Variants in EMCN observed in about 807,000 individuals in gnomAD.
EMCN encodes endomucin.
A neutral mutation model predicts 38.4 loss-of-function variants in EMCN; 37 were observed. That is an observed-to-expected ratio of 0.96 (90% confidence interval 0.74 to 1.27). The LOEUF (loss-of-function observed/expected upper bound fraction) is 1.27. EMCN is among the 50% of genes most tolerant of loss of function. The probability of loss-of-function intolerance (pLI) is 0.00; values close to 1 mark genes in which losing one functional copy is unlikely to be tolerated. For missense variants in EMCN, 318 were observed against 302.8 expected (o/e 1.05, Z -0.37); for synonymous variants, 95 against 100.8 (o/e 0.94, Z 0.35).
At chr4:100,440,535 C>T (rs1275976519) in intron 5 of EMCN, among the ~76,000 whole-genome samples, 1 of 151,966 alleles carries the variant, frequency 6.6e-6, no homozygotes, top group Non-Finnish European at 1.5e-5. Context: ...ATAATGGCCT[C>T]CAACTCCATC....
At chr4:100,467,999 T>G (rs925122921) in intron 3 of EMCN, among the ~76,000 whole-genome samples, 1 of 152,216 alleles carries the variant, frequency 6.6e-6, no homozygotes, top group Non-Finnish European at 1.5e-5. Flanking sequence ...ATAAGAGAAT[T>G]GCATCAAGAT....
chr4:100,402,223 C>T (rs188304776), intron 11 of EMCN, among the ~76,000 whole-genome samples: 4 of 151,910 alleles, frequency 2.6e-5, no homozygotes, highest in Non-Finnish European at 4.4e-5. Context: ...TCTGCCCTGC[C>T]GAATCACATT....
At position 100,490,729 on chromosome 4, in the gene EMCN, A is replaced by G. The variant is rs148751816; in HGVS notation, c.65-10690T>C. Among the ~76,000 whole-genome samples the G allele has an allele frequency of 4.6e-3, 707 of 152,324 alleles. 8 individuals are homozygous for G. Among genetic ancestry groups the G allele is most frequent in the South Asian group, 0.023 (113 of 4,834 alleles). Reference sequence around the variant, plus strand: ...TAAGTGCGCTTTATGATGTTCACACAATGACCTAACAAGACGTTTCGTAGA... The same window carrying G: ...TAAGTGCGCTTTATGATGTTCACACGATGACCTAACAAGACGTTTCGTAGA... On this transcript the variant is annotated intron_variant, in intron 1 of 11. Transcript: ENST00000296420.
At chr4:100,407,630 C>T (rs1463202464) in intron 11 of EMCN, among the ~76,000 whole-genome samples, 2 of 152,106 alleles carry the variant, frequency 1.3e-5, no homozygotes, top group Admixed American at 1.3e-4. Context: ...GGTTGACCTG[C>T]TCATTCTCCC....
At chr4:100,488,002 C>T (rs1165610737) in intron 1 of EMCN, among the ~76,000 whole-genome samples, 2 of 152,052 alleles carry the variant, frequency 1.3e-5, no homozygotes, top group African/African-American at 4.8e-5. Context: ...ACTAGCAGAT[C>T]ACATTAGTTT....
chr4:100,486,181 G>C (rs1728936078), intron 1 of EMCN, among the ~76,000 whole-genome samples: 1 of 152,154 alleles, frequency 6.6e-6, no homozygotes, highest in Non-Finnish European at 1.5e-5. Flanking sequence ...GTGAGGTCAT[G>C]TCTCTCTACG....
intron 10 of EMCN, among the ~76,000 whole-genome samples, chr4:100,412,180 G>A (rs1346493039): frequency 1.3e-5 from 2 of 152,154 alleles, no homozygotes; most frequent in Admixed American, 1.3e-4. Context: ...TCAGGGGACA[G>A]GGAAGGGAAT....
At chr4:100,402,690 T>A (rs370368018) in intron 11 of EMCN, among the ~76,000 whole-genome samples, 2 of 152,184 alleles carry the variant, frequency 1.3e-5, no homozygotes, top group South Asian at 2.1e-4. Flanking sequence ...AGGCTTGGAA[T>A]CTGAGGCTAG....
At chr4:100,497,457 A>C (rs1378311921) in intron 1 of EMCN, among the ~76,000 whole-genome samples, 1 of 152,082 alleles carries the variant, frequency 6.6e-6, no homozygotes, top group Non-Finnish European at 1.5e-5. Flanking sequence ...GCTCACTGCA[A>C]GCTCCGCCTC....
intron 3 of EMCN, among the ~76,000 whole-genome samples, chr4:100,466,496 A>G (rs1235232818): frequency 6.6e-6 from 1 of 152,252 alleles, no homozygotes; most frequent in African/African-American, 2.4e-5. Flanking sequence ...AGAAGACTTC[A>G]TAGACAGTAG....
chr4:100,424,244 CT>C (rs1181845064), intron 5 of EMCN, among the ~76,000 whole-genome samples: 1 of 151,932 alleles, frequency 6.6e-6, no homozygotes, highest in Non-Finnish European at 1.5e-5. Flanking sequence ...ACTTAGAAAA[CT>C]TTTTGAAAAT....
intron 3 of EMCN, among the ~76,000 whole-genome samples, chr4:100,466,078 C>G (rs960708473): frequency 7.0e-6 from 1 of 143,008 alleles, no homozygotes; most frequent in Non-Finnish European, 1.5e-5. Context: ...TTTAATTATA[C>G]TTAGTTCATT....
intron 5 of EMCN, among the ~76,000 whole-genome samples, chr4:100,438,739 A>G (rs902379759): frequency 4.6e-5 from 7 of 151,794 alleles, no homozygotes; most frequent in African/African-American, 1.7e-4. Context: ...GTTTTTTATT[A>G]TATTGAGAAA....
chr4:100,463,403 G>T (rs72923876), intron 4 of EMCN, among the ~76,000 whole-genome samples: 3,424 of 152,158 alleles, frequency 0.023, 126 homozygotes, highest in African/African-American at 0.078. Flanking sequence ...CTGTTTGTTT[G>T]TTGGGTTTTC....
intron 4 of EMCN, among the ~76,000 whole-genome samples, chr4:100,457,586 T>TGTG (rs1163350702): frequency 1.3e-5 from 2 of 152,220 alleles, no homozygotes; most frequent in Non-Finnish European, 2.9e-5. Context: ...ATTCTGTTAA[T>TGTG]GTGGTATATT....
chr4:100,460,939 T>C lies in EMCN; in HGVS notation c.376+4484A>G, dbSNP rs1022997897. ...GTTTACAATTTAGGTCTTTTGAAAA[T>C]GTAAATAATATCATATCATTGCTCT... On this transcript the variant is annotated intron_variant, in intron 4 of 11. Transcript: ENST00000296420. Among the ~76,000 whole-genome samples the C allele has an allele frequency of 2.0e-5, 3 of 152,168 alleles. 1 individual carries two copies. The highest frequency in any genetic ancestry group is 4.1e-4 in the South Asian group (2 of 4,834).
intron 2 of EMCN, among the ~76,000 whole-genome samples, chr4:100,478,891 A>G (rs990974211): frequency 1.3e-5 from 2 of 152,062 alleles, no homozygotes; most frequent in African/African-American, 2.4e-5. Context: ...TATGTATGTA[A>G]CCTCAAGTAT....
intron 10 of EMCN, among the ~76,000 whole-genome samples, chr4:100,410,710 A>C (rs976960521): frequency 6.6e-6 from 1 of 152,182 alleles, no homozygotes; most frequent in Non-Finnish European, 1.5e-5. Flanking sequence ...AAGCAAGCCC[A>C]TGTCATGTGT....
intron 11 of EMCN, among the ~76,000 whole-genome samples, chr4:100,405,082 T>C (rs1327696840): frequency 6.6e-6 from 1 of 152,156 alleles, no homozygotes; most frequent in African/African-American, 2.4e-5. Flanking sequence ...AAAACTTTGC[T>C]GAAGTTGTTT....
Sources: gnomAD v4.1 joint callset for allele counts (sites outside exome capture counted in the v4.1 genomes callset) on GRCh38, gnomAD v4.1.1 for gene constraint, MANE v1.5 for transcripts, NCBI Gene and HGNC (gene_info 2026-07-23, HGNC 2026-07-21) for gene names.